Variants in PARVB observed in about 807,000 individuals in gnomAD.
The protein encoded by PARVB is parvin beta, also known as beta-parvin.
A neutral mutation model predicts 47.0 loss-of-function variants in PARVB; 46 were observed. That is an observed-to-expected ratio of 0.98 (90% CI 0.77 to 1.25). The LOEUF (loss-of-function observed/expected upper bound fraction) is 1.25. PARVB is among the 50% of genes most tolerant of loss of function. The pLI is 0.00. For synonymous variants in PARVB, 196 were observed against 196.3 expected, an observed-to-expected ratio of 1.00 and a Z score of 0.01; for missense variants, 473 against 471.6, an observed-to-expected ratio of 1.00 and a Z score of -0.03.
chr22:44,022,770 A>G (rs2050666298), upstream of PARVB, among the ~76,000 whole-genome samples: 1 of 150,646 alleles, frequency 6.6e-6, no homozygotes. Context: ...TTTTGGAGAC[A>G]GAGTCTCGCT....
rs2053327610 is a variant in PARVB, at chr22:44,131,695, C to T, written c.517+68C>T. 4.7e-6 allele frequency: 7 copies of T among 1,487,240 alleles called. No individual in the cohort carries two copies. In the East Asian group the frequency reaches 6.9e-5, roughly 15 times the overall value. 92.1% of individuals were successfully genotyped at this position (1,487,240 alleles called of 1,614,324 possible). A position where few individuals can be genotyped will look rare whatever the true frequency, so the allele number is the denominator to read the frequency against. ...CCGTCCTCTCGACATTCGTCATCCA[C>T]ATTTGTCATCCACATTCATCATCAT... is the stretch of plus-strand genomic sequence containing the variant. On this transcript the variant is annotated intron_variant, in intron 5 of 12. Transcript: ENST00000338758.
intron 11 of PARVB, among the ~76,000 whole-genome samples, chr22:44,163,313 A>C (rs530568727): frequency 2.0e-4 from 31 of 152,218 alleles, no homozygotes; most frequent in African/African-American, 7.0e-4. Flanking sequence ...TAAAAAAAAT[A>C]ATAATAATAC....
chr22:44,164,692 C>T (rs1185685582), intron 12 of PARVB, among the ~76,000 whole-genome samples: 1 of 152,192 alleles, frequency 6.6e-6, no homozygotes, highest in Non-Finnish European at 1.5e-5. Context: ...CCCTGGGCCC[C>T]CACTTTGACC....
intron 2 of PARVB, among the ~76,000 whole-genome samples, chr22:44,018,947 C>T (rs1050068709): frequency 2.0e-5 from 3 of 152,222 alleles, no homozygotes; most frequent in Non-Finnish European, 2.9e-5. Flanking sequence ...GACAAAGTCT[C>T]GCTCTTGTCC....
Position 44,155,588 on chromosome 22 carries a change from G to T in PARVB, c.844-2394G>T, listed in dbSNP as rs1470857029. Among the ~76,000 whole-genome samples the T allele has an allele frequency of 6.6e-6, 1 of 152,188 alleles. No individual in the cohort carries two copies. The highest frequency in any genetic ancestry group is 6.5e-5 in the Admixed American group (1 of 15,290). On this transcript the variant is annotated intron_variant, in intron 10 of 12. Coordinates refer to ENST00000338758, the MANE Select transcript of PARVB (RefSeq NM_013327.5). The surrounding 1 kb of genome is among the most constrained non-coding windows in gnomAD (Gnocchi z 4.8). Reference sequence around the variant, plus strand: ...CCAGACCTCCTGGGGAGAGGTGTGGGTTGGTGCCTTCATTCACGTGGCAGC... The same window carrying T: ...CCAGACCTCCTGGGGAGAGGTGTGGTTTGGTGCCTTCATTCACGTGGCAGC...
chr22:44,122,504 G>GAC (rs1569134140), intron 4 of PARVB, among the ~76,000 whole-genome samples: 1 of 92,684 alleles, frequency 1.1e-5, no homozygotes, highest in African/African-American at 7.3e-5. Context: ...GAGAGAGAGA[G>GAC]AGAGAGAGAG....
intron 1 of PARVB, among the ~76,000 whole-genome samples, chr22:44,044,083 G>C (rs1226084545): frequency 1.3e-5 from 2 of 152,058 alleles, no homozygotes; most frequent in South Asian, 2.1e-4. Context: ...GAAATTGTGT[G>C]CACTGTTTTG....
chr22:44,005,020 A>G (rs1381548067), intron 2 of PARVB, among the ~76,000 whole-genome samples: 1 of 152,232 alleles, frequency 6.6e-6, no homozygotes, highest in Non-Finnish European at 1.5e-5. Context: ...AGCCTTGAAA[A>G]CAGAAAATCT....
chr22:44,105,144 G>T (rs185777930), intron 3 of PARVB: 5 of 152,356 alleles, frequency 3.3e-5, no homozygotes, highest in Admixed American at 3.3e-4. Context: ...TCACTTGCAT[G>T]GGTGTGGCTG....
Position 44,100,049 on chromosome 22 carries a change from G to A in PARVB, c.203-4G>A. On this transcript the variant is annotated splice_polypyrimidine_tract_variant and splice_region_variant and intron_variant, in intron 2 of 12. Coordinates refer to ENST00000338758, the MANE Select transcript of PARVB (RefSeq NM_013327.5). ...TGACCGTGACTTCCTTTTGTCCCTG[G>A]CAGAGGAGAACGAGGAGCGCACGAT... The A allele has an allele frequency of 1.2e-6, 2 of 1,613,670 alleles. No homozygotes were observed. The highest frequency in any genetic ancestry group is 1.7e-6 in the Non-Finnish European group (2 of 1,179,626).
chr22:44,024,284 G>T, upstream of PARVB: 1 of 956,800 alleles, frequency 1.0e-6, no homozygotes, highest in Non-Finnish European at 1.2e-6. Context: ...CCTCTCCCCG[G>T]GGCGACCGGG....
At chr22:44,085,946 C>G (rs544527749) in intron 1 of PARVB, among the ~76,000 whole-genome samples, 8 of 152,196 alleles carry the variant, frequency 5.3e-5, no homozygotes, top group Non-Finnish European at 1.2e-4. Context: ...TTTGGATTTA[C>G]CTTATTGAAA....
At position 44,070,340 on chromosome 22, in the gene PARVB, A is replaced by G. The variant is rs764368133; in HGVS notation, c.113-23588A>G. ...GGGCCCTGCTAGGGGACCCAGTAAG[A>G]TGACAGTTATTCACATTCTCCTTTG... is the stretch of plus-strand genomic sequence containing the variant. On this transcript the variant is annotated intron_variant, in intron 1 of 12. Transcript: ENST00000338758. Among the ~76,000 whole-genome samples the G allele has an allele frequency of 5.3e-4, 80 of 152,248 alleles. 1 individual carries two copies. The highest frequency in any genetic ancestry group is 9.1e-4 in the Non-Finnish European group (62 of 68,018).
At chr22:44,140,585 G>A (rs758370898) in intron 8 of PARVB, 9 of 522,208 alleles carry the variant, frequency 1.7e-5, no homozygotes, top group Middle Eastern at 3.2e-4. Flanking sequence ...CACTGGTTTA[G>A]CAGACTTCCT....
chr22:44,088,955 A>G (rs539806582), intron 1 of PARVB, among the ~76,000 whole-genome samples: 1 of 152,338 alleles, frequency 6.6e-6, no homozygotes, highest in East Asian at 1.9e-4. Flanking sequence ...CAAAATTTGA[A>G]TTAATGGCTC....
At chr22:44,142,122 A>C (rs750768305) in intron 8 of PARVB, 2 of 152,128 alleles carry the variant, frequency 1.3e-5, no homozygotes, top group Non-Finnish European at 2.9e-5. Flanking sequence ...TCATGCCTTT[A>C]ATCTCAGCAC....
At chr22:44,086,192 T>C (rs191305899) in intron 1 of PARVB, among the ~76,000 whole-genome samples, 2 of 152,202 alleles carry the variant, frequency 1.3e-5, no homozygotes, top group Non-Finnish European at 2.9e-5. Context: ...CCGAGCTCAT[T>C]ACCCTGGGCC....
chr22:44,110,992 C>G (rs1014911828), intron 3 of PARVB: 1 of 152,076 alleles, frequency 6.6e-6, no homozygotes. Flanking sequence ...TCTTTTTGAA[C>G]TGCCAAAGTA....
Position 44,087,846 on chromosome 22 carries a change from G to GTTTTT in PARVB, c.113-6069_113-6065dup, listed in dbSNP as rs57893038. Among the ~76,000 whole-genome samples, 115 of 121,226 alleles carry GTTTTT rather than the reference G, an allele frequency of 9.5e-4. 4 individuals carry two copies. Among genetic ancestry groups the GTTTTT allele is most frequent in the African/African-American group, 3.1e-3 (93 of 30,144 alleles). The allele number at this position is 121,226 out of a possible 152,430, so 79.5% of individuals were successfully genotyped here. The stretch of plus-strand genomic sequence containing the variant: ...GTAATTCCAAATCAGGAACGATGGT[G>GTTTTT]TTTTTTTTTTTTTTTTTCTTTTTTC... On this transcript the variant is annotated intron_variant, in intron 1 of 12. Transcript: ENST00000338758.
Sources: gnomAD v4.1 joint callset for allele counts (sites outside exome capture counted in the v4.1 genomes callset) on GRCh38, gnomAD v4.1.1 for gene constraint, Gnocchi (gnomAD v3.1) non-coding constraint, MANE v1.5 for transcripts, NCBI Gene and HGNC (gene_info 2026-07-23, HGNC 2026-07-21) for gene names.